The following SLC9A9 variants were observed in gnomAD, a reference collection of about 807,000 sequenced individuals.
SLC9A9 encodes solute carrier family 9 member A9, also known as sodium/hydrogen exchanger 9.
Under a neutral mutation model 77.8 loss-of-function variants are expected in SLC9A9, and 62 were observed. That is an observed-to-expected ratio of 0.80 (90% CI 0.65 to 0.98). The LOEUF is 0.98. SLC9A9 is among the 50% of genes least tolerant of loss of function. The probability of loss-of-function intolerance (pLI) is 0.00; values close to 1 mark genes in which losing one functional copy is unlikely to be tolerated. For missense variants in SLC9A9, 775 were observed against 774.9 expected (o/e 1.00, Z 0.00); for synonymous variants, 320 against 283.5 (o/e 1.13, Z -1.29).
chr3:143,476,348 A>G (rs2035476660), intron 11 of SLC9A9, among the ~76,000 whole-genome samples: 1 of 152,230 alleles, frequency 6.6e-6, no homozygotes, highest in Admixed American at 6.5e-5. Context: ...AATTTGAATC[A>G]TTTAAACTTA....
intron 5 of SLC9A9, among the ~76,000 whole-genome samples, chr3:143,684,974 A>C (rs1933215848): frequency 6.6e-6 from 1 of 152,088 alleles, no homozygotes; most frequent in African/African-American, 2.4e-5. Flanking sequence ...ATTTGTATTT[A>C]ATACTCAATT....
chr3:143,586,947 G>A (rs1459778922), intron 6 of SLC9A9, among the ~76,000 whole-genome samples: 2 of 152,180 alleles, frequency 1.3e-5, no homozygotes, highest in East Asian at 3.8e-4. Context: ...CTGTGTTTGA[G>A]GGGAAACATC....
intron 14 of SLC9A9, among the ~76,000 whole-genome samples, chr3:143,300,677 T>C (rs1256527917): frequency 6.6e-6 from 1 of 152,194 alleles, no homozygotes; most frequent in Non-Finnish European, 1.5e-5. Flanking sequence ...CTATTGTACA[T>C]CAGAATCTTT....
chr3:143,388,216 T>C (rs2033472429), intron 12 of SLC9A9, among the ~76,000 whole-genome samples: 1 of 152,200 alleles, frequency 6.6e-6, no homozygotes, highest in Admixed American at 6.5e-5. Flanking sequence ...CATCTGCTAC[T>C]GAACCCTGTA....
At chr3:143,636,581 A>G (rs1235543579) in intron 6 of SLC9A9, among the ~76,000 whole-genome samples, 2 of 152,220 alleles carry the variant, frequency 1.3e-5, no homozygotes, top group Non-Finnish European at 2.9e-5. Flanking sequence ...CAAATGGTGA[A>G]CATTGTACCT....
At chr3:143,369,170 A>G (rs901329892) in intron 13 of SLC9A9, among the ~76,000 whole-genome samples, 5 of 152,218 alleles carry the variant, frequency 3.3e-5, no homozygotes, top group African/African-American at 9.6e-5. Flanking sequence ...CTTTGTCTGT[A>G]TAGTAGATCC....
intron 2 of SLC9A9, among the ~76,000 whole-genome samples, chr3:143,825,255 G>C (rs1165477627): frequency 6.6e-6 from 1 of 152,112 alleles, no homozygotes; most frequent in African/African-American, 2.4e-5. Flanking sequence ...CTCTGCTCAA[G>C]CGATTCCTGT....
intron 14 of SLC9A9, among the ~76,000 whole-genome samples, chr3:143,321,047 C>T (rs2031402236): frequency 1.3e-5 from 2 of 152,130 alleles, no homozygotes; most frequent in African/African-American, 4.8e-5. Flanking sequence ...AAGATTCTTC[C>T]CTAGAGCTAT....
intron 9 of SLC9A9, among the ~76,000 whole-genome samples, chr3:143,514,188 G>A (rs1391521209): frequency 6.6e-6 from 1 of 151,432 alleles, no homozygotes; most frequent in Non-Finnish European, 1.5e-5. Context: ...TCCTTAAAAA[G>A]AGCAGCAATA....
At chr3:143,333,305 T>C (rs1445192958) in intron 14 of SLC9A9, among the ~76,000 whole-genome samples, 1 of 139,996 alleles carries the variant, frequency 7.1e-6, no homozygotes, top group Non-Finnish European at 1.5e-5. Context: ...TCCATACAAA[T>C]TGGATTTCTT....
intron 12 of SLC9A9, among the ~76,000 whole-genome samples, chr3:143,403,374 G>A (rs1043945596): frequency 6.7e-6 from 1 of 150,072 alleles, no homozygotes; most frequent in Admixed American, 6.6e-5. Flanking sequence ...ATTGTTTTTA[G>A]TTTTAAAAAG....
chr3:143,690,425 T>C (rs1933425403), intron 5 of SLC9A9, among the ~76,000 whole-genome samples: 1 of 152,160 alleles, frequency 6.6e-6, no homozygotes, highest in Non-Finnish European at 1.5e-5. Flanking sequence ...TTATGGTCTC[T>C]AACTAAATTT....
chr3:143,825,827 T>A (rs80223393), intron 2 of SLC9A9, among the ~76,000 whole-genome samples: 118 of 152,342 alleles, frequency 7.7e-4, no homozygotes, highest in African/African-American at 2.7e-3. Flanking sequence ...TTTTTGATAA[T>A]CTACTGTATC....
chr3:143,537,040 GC>G (rs2036601686), intron 9 of SLC9A9, among the ~76,000 whole-genome samples: 1 of 152,142 alleles, frequency 6.6e-6, no homozygotes, highest in Non-Finnish European at 1.5e-5. Flanking sequence ...AAGCCTATCA[GC>G]ATGTGGTTTC....
At chr3:143,280,068 G>A (rs1033228718) in intron 14 of SLC9A9, among the ~76,000 whole-genome samples, 2 of 152,084 alleles carry the variant, frequency 1.3e-5, no homozygotes, top group African/African-American at 2.4e-5. Flanking sequence ...CAATTCTCCC[G>A]CCTTAGCCTC....
intron 12 of SLC9A9, among the ~76,000 whole-genome samples, chr3:143,422,216 C>G (rs1236415465): frequency 1.3e-5 from 2 of 152,024 alleles, no homozygotes; most frequent in African/African-American, 4.8e-5. Context: ...GACAGAACTA[C>G]CAAATGGTTA....
rs748982877 is a variant in SLC9A9 at position 143,778,037 on chromosome 3, C to CAA, written c.533+16962_533+16963dup. 1.2e-4 allele frequency among the ~76,000 whole-genome samples: 9 copies of CAA among 75,562 alleles called. 1 individual carries two copies. Among genetic ancestry groups the CAA allele is most frequent in the South Asian group, 1.4e-3 (2 of 1,458 alleles). 49.6% of individuals were successfully genotyped at this position (75,562 alleles called of 152,430 possible). A position where few individuals can be genotyped will look rare whatever the true frequency, so the allele number is the denominator to read the frequency against. ...CCGTCACTGATACTTTTATAAAATG[C>CAA]AAAAAAAAAAAAAAAGATGCTGAAT... On this transcript the variant is annotated intron_variant, in intron 4 of 15. Coordinates refer to ENST00000316549, the MANE Select transcript of SLC9A9 (RefSeq NM_173653.4).
At chr3:143,689,673 G>C (rs116343189) in intron 5 of SLC9A9, among the ~76,000 whole-genome samples, 1 of 122,290 alleles carries the variant, frequency 8.2e-6, no homozygotes, top group African/African-American at 2.9e-5. Context: ...GCCTCACATA[G>C]GGTTGGGATT....
At chr3:143,375,429 A>C (rs2033160451) in intron 13 of SLC9A9, among the ~76,000 whole-genome samples, 2 of 152,198 alleles carry the variant, frequency 1.3e-5, no homozygotes, top group Non-Finnish European at 1.5e-5. Context: ...ATGTAGCAGC[A>C]ATGCCAATGT....
Sources: gnomAD v4.1 joint callset for allele counts (sites outside exome capture counted in the v4.1 genomes callset) on GRCh38, gnomAD v4.1.1 for gene constraint, MANE v1.5 for transcripts, NCBI Gene and HGNC (gene_info 2026-07-23, HGNC 2026-07-21) for gene names.